The following POLA2 variants were observed in gnomAD, a reference collection of about 807,000 sequenced individuals.
POLA2 encodes DNA polymerase alpha 2, accessory subunit.
A neutral mutation model predicts 82.8 loss-of-function variants in POLA2; 47 were observed. The ratio of observed to expected loss-of-function variants is 0.57; its 90% CI spans 0.45 to 0.72. The LOEUF is 0.72. Ranked by LOEUF, POLA2 falls within the 30% of genes least tolerant of loss-of-function variation. POLA2 has a pLI of 0.00. For missense variants in POLA2, 634 were observed against 728.1 expected, an observed-to-expected ratio of 0.87 and a Z score of 1.49; for synonymous variants, 287 against 286.8, an observed-to-expected ratio of 1.00 and a Z score of -0.01.
Position 65,297,495 on chromosome 11 carries a change from T to A in POLA2, c.*226T>A. The A allele has an allele frequency of 2.4e-6, 1 of 418,264 alleles. No individual in the cohort carries two copies. Among genetic ancestry groups the A allele is most frequent in the Non-Finnish European group, 4.2e-6 (1 of 238,810 alleles). 25.9% of individuals were successfully genotyped at this position (418,264 alleles called of 1,614,324 possible). A position where few individuals can be genotyped will look rare whatever the true frequency, so the allele number is the denominator to read the frequency against. ...GAAGCTCTTGCTTCTCAGTCCATGC[T>A]CCGTGTCCAGAAGTAAGCCAGCTGT... On this transcript the variant is annotated 3_prime_UTR_variant, in exon 18 of 18. Coordinates refer to ENST00000265465, the MANE Select transcript of POLA2 (RefSeq NM_002689.4).
Position 65,281,017 on chromosome 11 carries a change from T to C in POLA2, c.770T>C (p.Ile257Thr), listed in dbSNP as rs781427691. 17 of 1,613,904 alleles carry C rather than the reference T, an allele frequency of 1.1e-5. No individual in the cohort carries two copies. Among genetic ancestry groups the C allele is most frequent in the South Asian group, 4.4e-5 (4 of 91,066 alleles). ...AQEPVTLLGQ[I>T]GCDSNGKLNN... The stretch of plus-strand genomic sequence containing the variant: ...GAGCCTGTCACTCTGCTGGGCCAGA[T>C]TGGCTGTGATAGCAACGGGAAGCTG... The change falls in exon 8 of 18, where the codon ATT (isoleucine) becomes ACT (threonine). Residue 257 changes from isoleucine (I) to threonine (T), a missense_variant. Ile to Thr is a moderately conservative substitution (Grantham distance 89). Transcript: ENST00000265465.
At chr11:65,279,396 G>T (rs1949616207) in intron 6 of POLA2, 142 bp from the exon 7 acceptor site, 8 of 625,980 alleles carry the variant, frequency 1.3e-5, no homozygotes, top group Non-Finnish European at 2.0e-5. Flanking sequence ...GTTTTAGAAG[G>T]TTTAAACTGG....
In POLA2 at chr11:65,304,366, C is replaced by T. The variant is rs760703372; in HGVS notation, c.657-1007C>T. On this transcript the variant is annotated intron_variant, in intron 8 of 8. Transcript: ENST00000525924. Reference sequence around the variant, plus strand: ...ATCCATCCATTCATCCATCCACCCACCCATGAACTTAACCATCCATCTTTT... The same window carrying T: ...ATCCATCCATTCATCCATCCACCCATCCATGAACTTAACCATCCATCTTTT... 9.0e-4 allele frequency among the ~76,000 whole-genome samples: 136 copies of T among 151,132 alleles called. 2 individuals are homozygous for T. The highest frequency in any genetic ancestry group is 1.4e-3 in the Non-Finnish European group (94 of 67,718).
intron 13 of POLA2, among the ~76,000 whole-genome samples, chr11:65,292,292 G>A (rs949278298): frequency 1.3e-5 from 2 of 152,200 alleles, no homozygotes; most frequent in Non-Finnish European, 2.9e-5. Context: ...CAGAGCCCGC[G>A]GTTCTCGTCC....
At chr11:65,287,894 TG>T in intron 11 of POLA2, 54 bp downstream of exon 11, 2 of 1,571,324 alleles carry the variant, frequency 1.3e-6, no homozygotes, top group Non-Finnish European at 1.7e-6. Context: ...ATGGCTTTAA[TG>T]AAGTTCTAAA....
At chr11:65,265,328 A>G (rs566574554) in intron 1 of POLA2, among the ~76,000 whole-genome samples, 2 of 152,116 alleles carry the variant, frequency 1.3e-5, no homozygotes, top group South Asian at 4.1e-4. Flanking sequence ...AAGCTGCTCT[A>G]CTCAAGGTCA....
chr11:65,305,811 C>T (rs1406594681), downstream of POLA2, among the ~76,000 whole-genome samples: 1 of 152,176 alleles, frequency 6.6e-6, no homozygotes. Flanking sequence ...TGACTCACTG[C>T]GGCACGGCCT....
chr11:65,266,038 GATGTCTAAATGGCACCTCAAACTCTGC>G (rs1004471489), intron 1 of POLA2, among the ~76,000 whole-genome samples: 6 of 152,154 alleles, frequency 3.9e-5, no homozygotes, highest in Admixed American at 2.0e-4. Context: ...TCTCCAGTTG[GATGTCTAAATGGCACCTCAAACTCTGC>G]ATGTCTAAAA....
chr11:65,275,651 A>T (rs1949569215), intron 4 of POLA2, among the ~76,000 whole-genome samples: 1 of 152,188 alleles, frequency 6.6e-6, no homozygotes, highest in Non-Finnish European at 1.5e-5. Flanking sequence ...CCTTTTTGGA[A>T]AATGTTTGCT....
At chr11:65,291,367 A>G (rs1181808415) in intron 13 of POLA2, among the ~76,000 whole-genome samples, 1 of 152,224 alleles carries the variant, frequency 6.6e-6, no homozygotes, top group African/African-American at 2.4e-5. Flanking sequence ...CCAGGATGGT[A>G]GATGTCACAG....
At position 65,297,424 on chromosome 11, in the gene POLA2, G is replaced by T. The variant is rs372342062; in HGVS notation, c.*155G>T. 48 of 810,204 alleles carry T rather than the reference G, an allele frequency of 5.9e-5. No individual in the cohort carries two copies. In the East Asian group the frequency reaches 1.1e-3, roughly 18 times the overall value. 50.2% of individuals were successfully genotyped at this position (810,204 alleles called of 1,614,324 possible). A position where few individuals can be genotyped will look rare whatever the true frequency, so the allele number is the denominator to read the frequency against. ...TGCAGTGACCAGGCCCAGCAGGGAG[G>T]ACTTGTGCAGCCGGGCCTGCCTCTG... is the stretch of plus-strand genomic sequence containing the variant. On this transcript the variant is annotated 3_prime_UTR_variant, in exon 18 of 18. Coordinates refer to ENST00000265465, the MANE Select transcript of POLA2 (RefSeq NM_002689.4).
chr11:65,297,136 T>C lies in POLA2; in HGVS notation c.1664T>C (p.Val555Ala). Reference sequence around the variant, plus strand: ...CCTCCCCAGGATGTCCTCGGCTGTGTCTGTGTGAACCCTGGGCGCCTTACC... The same window carrying C: ...CCTCCCCAGGATGTCCTCGGCTGTGCCTGTGTGAACCCTGGGCGCCTTACC... ...RYFVKDVLGC[V>A]CVNPGRLTKG... Residue 555 changes from valine (V) to alanine (A), a missense_variant, in exon 18 of 18, where the codon GTC (valine) becomes GCC (alanine). Val to Ala is a moderately conservative substitution (Grantham distance 64, BLOSUM62 0). Transcript: ENST00000265465. The C allele has an allele frequency of 1.9e-6, 3 of 1,614,086 alleles. No individual in the cohort carries two copies. Among genetic ancestry groups the C allele is most frequent in the Non-Finnish European group, 2.5e-6 (3 of 1,180,008 alleles).
At position 65,287,802 on chromosome 11, in the gene POLA2, G is replaced by A; in HGVS notation, c.1093G>A (p.Ala365Thr). The A allele has an allele frequency of 1.2e-6, 2 of 1,613,844 alleles. No individual in the cohort carries two copies. Among genetic ancestry groups the A allele is most frequent in the Non-Finnish European group, 1.7e-6 (2 of 1,179,940 alleles). ...GTATGACCCCCTGCTTGACCTGATT[G>A]CTGTCATCAACCATGACCGGCCAGA... ...ITYDPLLDLI[A>T]VINHDRPDVC... Residue 365 changes from alanine (A) to threonine (T), a missense_variant, in exon 11 of 18, where the codon GCT becomes ACT. Physicochemically the swap from Ala to Thr is moderately conservative, Grantham distance 58 (BLOSUM62 0). Transcript: ENST00000265465.
In POLA2 at chr11:65,295,789, G is replaced by T. The variant is rs1590911744; in HGVS notation, c.1521-75G>T. On this transcript the variant is annotated intron_variant, in intron 16 of 17. Coordinates refer to ENST00000265465, the MANE Select transcript of POLA2 (RefSeq NM_002689.4). ...GTGGATGCCAGCAGCACGAAAGCCA[G>T]TACCTAGGGGGACTCTGTCTGAGAA... The T allele has an allele frequency of 2.6e-6, 4 of 1,551,606 alleles. No homozygotes were observed. The East Asian group carries it at 6.8e-5, about 26-fold the overall frequency.
chr11:65,288,927 A>T (rs1392208740), intron 11 of POLA2, 123 bp from the exon 12 acceptor site: 3 of 866,516 alleles, frequency 3.5e-6, no homozygotes, highest in African/African-American at 1.7e-5. Context: ...CAGGCTCTAC[A>T]GGCAGCCTTG....
chr11:65,285,447 A>G (rs1470572030), intron 10 of POLA2, among the ~76,000 whole-genome samples: 1 of 151,742 alleles, frequency 6.6e-6, no homozygotes, highest in African/African-American at 2.4e-5. Context: ...ATGTGCCTAT[A>G]GTCCCAGCAA....
chr11:65,282,629 A>G (rs960889655), intron 10 of POLA2, 108 bp downstream of exon 10: 5 of 943,938 alleles, frequency 5.3e-6, no homozygotes, highest in African/African-American at 1.6e-5. Flanking sequence ...CTGAAGAGCA[A>G]TGTGACCAAG....
At chr11:65,289,149 T>C in intron 12 of POLA2, 61 bp downstream of exon 12, 1 of 1,381,550 alleles carries the variant, frequency 7.2e-7, no homozygotes, top group Non-Finnish European at 1.0e-6. Flanking sequence ...CTCTCACTTT[T>C]CATTTTTTAG....
downstream of POLA2, among the ~76,000 whole-genome samples, chr11:65,301,880 T>C (rs1381936892): frequency 1.3e-5 from 2 of 152,200 alleles, no homozygotes; most frequent in African/African-American, 4.8e-5. Flanking sequence ...CGACCATGCC[T>C]ACTGCTGCTT....
Sources: allele counts gnomAD v4.1 joint callset (sites outside exome capture counted in the v4.1 genomes callset), GRCh38; gene constraint gnomAD v4.1.1; transcripts MANE v1.5; gene names NCBI Gene and HGNC (gene_info 2026-07-23, HGNC 2026-07-21).